SHISA6: variants seen among roughly 807,000 people sequenced by gnomAD.
SHISA6 encodes shisa family member 6, also known as protein shisa-6.
In SHISA6, 22 loss-of-function variants were observed where a neutral mutation model predicts 47.9. The ratio of observed to expected loss-of-function variants is 0.46; its 90% CI spans 0.33 to 0.66. The LOEUF (loss-of-function observed/expected upper bound fraction) is 0.66, where lower values mean the gene tolerates loss of function less well. SHISA6 is among the 30% of genes least tolerant of loss of function. The pLI is 0.02. For missense variants in SHISA6, 680 were observed against 764.6 expected (o/e 0.89, Z 1.30); for synonymous variants, 388 against 337.8 (o/e 1.15, Z -1.63).
At chr17:11,504,374 T>C (rs942855360) in intron 3 of SHISA6, among the ~76,000 whole-genome samples, 1 of 152,198 alleles carries the variant, frequency 6.6e-6, no homozygotes, top group Non-Finnish European at 1.5e-5. Flanking sequence ...TGAGAAATGC[T>C]CTTTCATCAT....
chr17:11,268,168 T>G (rs1306345839), intron 2 of SHISA6, among the ~76,000 whole-genome samples: 2 of 152,096 alleles, frequency 1.3e-5, no homozygotes, highest in Admixed American at 6.5e-5. Flanking sequence ...CTGGAGACAA[T>G]AAATATTCAT....
At chr17:11,388,808 A>ATTTTTTTTTTT (rs1459348200) in intron 3 of SHISA6, among the ~76,000 whole-genome samples, 3 of 88,766 alleles carry the variant, frequency 3.4e-5, no homozygotes, top group Admixed American at 2.3e-4. Context: ...ATATATATAT[A>ATTTTTTTTTTT]TATATATATA....
intron 3 of SHISA6, among the ~76,000 whole-genome samples, chr17:11,460,024 G>A (rs1234100863): frequency 6.6e-6 from 1 of 152,206 alleles, no homozygotes; most frequent in East Asian, 1.9e-4. Context: ...ATTGGCCAAC[G>A]TTAAGCAACA....
intron 2 of SHISA6, among the ~76,000 whole-genome samples, chr17:11,348,211 A>T (rs537166593): frequency 6.6e-6 from 1 of 152,302 alleles, no homozygotes; most frequent in African/African-American, 2.4e-5. Flanking sequence ...TCAGGAGCTC[A>T]GCTGAAGCTT....
At chr17:11,395,749 C>T (rs1443550891) in intron 3 of SHISA6, among the ~76,000 whole-genome samples, 1 of 152,044 alleles carries the variant, frequency 6.6e-6, no homozygotes, top group Non-Finnish European at 1.5e-5. Flanking sequence ...AACTCCTGAT[C>T]TCAAGTGATC....
intron 3 of SHISA6, among the ~76,000 whole-genome samples, chr17:11,402,154 C>T (rs1164646103): frequency 6.6e-6 from 1 of 152,120 alleles, no homozygotes; most frequent in Non-Finnish European, 1.5e-5. Context: ...TTTAGCATGG[C>T]CCCTAGCTCC....
At chr17:11,333,607 C>T (rs555731944) in intron 2 of SHISA6, among the ~76,000 whole-genome samples, 2 of 152,034 alleles carry the variant, frequency 1.3e-5, no homozygotes, top group Non-Finnish European at 2.9e-5. Context: ...CTCCGCCTCC[C>T]GAGGTCAAGT....
intron 3 of SHISA6, among the ~76,000 whole-genome samples, chr17:11,467,918 A>G (rs1224216141): frequency 6.6e-6 from 1 of 152,174 alleles, no homozygotes; most frequent in African/African-American, 2.4e-5. Flanking sequence ...TACAGCTTCT[A>G]AAACCCTTAA....
chr17:11,518,029 C>T (rs2071599500), intron 3 of SHISA6, among the ~76,000 whole-genome samples: 2 of 151,976 alleles, frequency 1.3e-5, no homozygotes, highest in African/African-American at 2.4e-5. Context: ...CCTCCACCAC[C>T]AATAGAACTA....
chr17:11,550,612 C>T (rs1241772842), intron 3 of SHISA6, among the ~76,000 whole-genome samples: 2 of 152,152 alleles, frequency 1.3e-5, no homozygotes, highest in East Asian at 3.9e-4. Context: ...TTTCACATTC[C>T]AGGCCCACGG....
rs768771153 is a variant in SHISA6 at position 11,558,104 on chromosome 17, G to A, written c.1456G>A (p.Val486Met). 2.0e-5 allele frequency: 31 copies of A among 1,551,488 alleles called. No homozygotes were observed. Among genetic ancestry groups the A allele is most frequent in the South Asian group, 1.1e-4 (9 of 84,064 alleles). ...SHTDVFVSTP[V>M]LDRYRMSKMH... ...CACGGACGTCTTTGTGTCCACACCC[G>A]TGCTGGACCGCTACCGCATGAGCAA... The change falls in exon 6 of 6, where the codon GTG becomes ATG. Residue 486 changes from valine to methionine, a missense_variant. This residue lies in a region of SHISA6 where 559 missense variants were observed against 674.1 expected (regional missense o/e 0.83). Transcript: ENST00000441885.
intron 2 of SHISA6, among the ~76,000 whole-genome samples, chr17:11,370,033 C>T (rs1037082355): frequency 1.1e-4 from 16 of 152,162 alleles, no homozygotes; most frequent in Non-Finnish European, 2.4e-4. Flanking sequence ...GCTCCAGTTT[C>T]CTCATTAGCA....
chr17:11,359,565 G>A (rs915790219), intron 2 of SHISA6, among the ~76,000 whole-genome samples: 1 of 152,122 alleles, frequency 6.6e-6, no homozygotes, highest in East Asian at 1.9e-4. Context: ...TCTGGATTGC[G>A]TGTGACTTTG....
At chr17:11,494,663 A>G (rs2071393537) in intron 3 of SHISA6, among the ~76,000 whole-genome samples, 1 of 152,210 alleles carries the variant, frequency 6.6e-6, no homozygotes, top group Admixed American at 6.5e-5. Context: ...GGCTGGAGCC[A>G]TCAGGGGAAA....
At chr17:11,546,333 C>T (rs1160891049) in intron 3 of SHISA6, among the ~76,000 whole-genome samples, 2 of 152,144 alleles carry the variant, frequency 1.3e-5, no homozygotes, top group African/African-American at 2.4e-5. Context: ...GCGGAGAAGG[C>T]ATGATCATAC....
rs895891041 is a variant in SHISA6, at chr17:11,478,852, T to C, written c.896-73044T>C. Among the ~76,000 whole-genome samples the C allele has an allele frequency of 4.2e-5, 6 of 144,282 alleles. No individual in the cohort carries two copies. The East Asian group carries it at 6.1e-4, about 15-fold the overall frequency. The allele number at this position is 144,282 out of a possible 152,430, so 94.7% of individuals were successfully genotyped here. On this transcript the variant is annotated intron_variant, in intron 3 of 5. Coordinates refer to ENST00000441885, the MANE Select transcript of SHISA6 (RefSeq NM_207386.4). ...TGTAGTATAGTTTGAAGTCAGGTAG[T>C]GTGATGCCTCCAGCTTTGTTCTTTT... is the stretch of plus-strand genomic sequence containing the variant.
At chr17:11,436,905 G>C (rs565310288) in intron 3 of SHISA6, among the ~76,000 whole-genome samples, 1 of 152,334 alleles carries the variant, frequency 6.6e-6, no homozygotes, top group Admixed American at 6.5e-5. Context: ...ATCAATGGCT[G>C]TCTAAATTAT....
intron 2 of SHISA6, among the ~76,000 whole-genome samples, chr17:11,308,969 T>C (rs1910224848): frequency 6.6e-6 from 1 of 152,132 alleles, no homozygotes; most frequent in South Asian, 2.1e-4. Flanking sequence ...CACGTGGCTT[T>C]TTAAATTTTT....
At chr17:11,287,332 C>A (rs1439146714) in intron 2 of SHISA6, among the ~76,000 whole-genome samples, 4 of 151,726 alleles carry the variant, frequency 2.6e-5, no homozygotes, top group African/African-American at 9.7e-5. Context: ...TAATTTTACT[C>A]AAAATCCCAA....
Sources: gnomAD v4.1 joint callset for allele counts (sites outside exome capture counted in the v4.1 genomes callset) on GRCh38, gnomAD v4.1.1 for gene constraint, gnomAD v4.1.1 regional missense constraint, MANE v1.5 for transcripts, NCBI Gene and HGNC (gene_info 2026-07-23, HGNC 2026-07-21) for gene names.